The following ASPM variants were observed in gnomAD, a reference collection of about 807,000 sequenced individuals.
ASPM encodes the protein assembly factor for spindle microtubules.
In ASPM, 256 loss-of-function variants were observed where a neutral mutation model predicts 366.4. That is an observed-to-expected ratio of 0.70 (90% CI 0.63 to 0.77). ASPM has a LOEUF of 0.77. Among genes scored for constraint, ASPM ranks in the 30% least tolerant of loss-of-function variants. The probability of loss-of-function intolerance (pLI) is 0.00; values close to 1 mark genes in which losing one functional copy is unlikely to be tolerated. For synonymous variants in ASPM, 1,414 were observed against 1,342.9 expected, an observed-to-expected ratio of 1.05 and a Z score of -1.16; for missense variants, 4,146 against 4,090.4, an observed-to-expected ratio of 1.01 and a Z score of -0.37.
intron 17 of ASPM, among the ~76,000 whole-genome samples, chr1:197,113,280 CA>C (rs1657641308): frequency 6.6e-6 from 1 of 152,082 alleles, no homozygotes; most frequent in African/African-American, 2.4e-5. Context: ...ACCTGGGTGA[CA>C]GGATCATTTG....
intron 18 of ASPM, among the ~76,000 whole-genome samples, chr1:197,097,547 G>C (rs1194935032): frequency 1.3e-5 from 2 of 151,726 alleles, no homozygotes; most frequent in Non-Finnish European, 2.9e-5. Context: ...AAATTCAGTT[G>C]ATAATGCAAT....
At position 197,091,819 on chromosome 1, in the gene ASPM, T is replaced by A; in HGVS notation, c.9444+88A>T. On this transcript the variant is annotated intron_variant, in intron 22 of 27. Transcript: ENST00000367409. ...GGCTAAATGTTGTACGACCTTAGCA[T>A]AAAGCATTTGGAAATTGTTTATTAC... The A allele has an allele frequency of 5.1e-6, 7 of 1,385,904 alleles. No homozygotes were observed. In the South Asian group the frequency reaches 8.4e-5, roughly 17 times the overall value. The allele number at this position is 1,385,904 out of a possible 1,614,324, so 85.9% of individuals were successfully genotyped here.
chr1:197,125,668 A>G (rs2125105865), intron 10 of ASPM, among the ~76,000 whole-genome samples: 1 of 152,164 alleles, frequency 6.6e-6, no homozygotes, highest in East Asian at 1.9e-4. Flanking sequence ...GCCTATGGTC[A>G]TAGAGCTGGT....
rs1429110638 is a variant in ASPM at position 197,139,784 on chromosome 1, A to C, written c.2009T>G (p.Ile670Arg). ...ATACTTGCCTGTTTTTAATGGTTTT[A>C]TGAAGGTCAAACTGGACTGTGCCAC... ...IAVAQSSLTFIKPLKTDIPRH... is the reference protein window; with the variant it reads ...IAVAQSSLTFRKPLKTDIPRH... Residue 670 changes from isoleucine to arginine, a missense_variant, in exon 4 of 28, where the codon ATA (isoleucine) becomes AGA (arginine). By Grantham distance (97) the Ile-to-Arg change is moderately conservative. Around this residue, in one of 3 missense-constraint regions of ASPM, gnomAD observed 3,624 missense variants for 3,591.7 expected, o/e 1.01. Transcript: ENST00000367409. 1.2e-6 allele frequency: 2 copies of C among 1,607,410 alleles called. No individual in the cohort carries two copies. The highest frequency in any genetic ancestry group is 4.5e-5 in the East Asian group (2 of 44,810).
rs1367154758 is a variant in ASPM at position 197,084,345 on chromosome 1, A to T, written c.10413T>A (p.Asp3471Glu). 1 of 1,611,732 alleles carries T rather than the reference A, an allele frequency of 6.2e-7. No individual in the cohort carries two copies. The highest frequency in any genetic ancestry group is 8.5e-7 in the Non-Finnish European group (1 of 1,178,378). Residue 3471 changes from aspartate (D) to glutamate (E), a missense_variant, in exon 28 of 28, where the codon GAT becomes GAA. Asp to Glu is a conservative substitution (Grantham distance 45). Transcript: ENST00000367409. ...NPLQAIQMVM[D>E]TLGIPY ...TTTACTAATAAGGAATGCCAAGCGT[A>T]TCCATCACCATTTGAATAGCTTGCA...
At chr1:197,111,967 C>T (rs763203738) in intron 17 of ASPM, among the ~76,000 whole-genome samples, 2 of 152,000 alleles carry the variant, frequency 1.3e-5, no homozygotes, top group Non-Finnish European at 2.9e-5. Flanking sequence ...TTCTCAAAGG[C>T]CTAAAAGCAG....
rs770648445 is a variant in ASPM, at chr1:197,122,537, T to C, written c.3449A>G (p.His1150Arg). The change falls in exon 14 of 28, where the codon CAT becomes CGT. Residue 1150 changes from histidine (H) to arginine (R), a missense_variant. Physicochemically the swap from His to Arg is conservative, Grantham distance 29. Transcript: ENST00000367409. ...AAATGGCACATAGCAAGGATGGTAA[T>C]GGTGGATCAGGTAACATAACACACG... ...DGRVLCYLIH[H>R]YHPCYVPFDA... 4 of 1,613,180 alleles carry C rather than the reference T, an allele frequency of 2.5e-6. No homozygotes were observed. In the East Asian group the frequency reaches 6.7e-5, roughly 27 times the overall value.
intron 16 of ASPM, among the ~76,000 whole-genome samples, chr1:197,120,439 A>C (rs1164711969): frequency 1.3e-5 from 2 of 152,186 alleles, no homozygotes; most frequent in African/African-American, 2.4e-5. Context: ...CTGAGGCACA[A>C]GAATGGCTTG....
chr1:197,133,952 T>C (rs1045240910), intron 5 of ASPM, among the ~76,000 whole-genome samples: 2 of 152,216 alleles, frequency 1.3e-5, no homozygotes, highest in Non-Finnish European at 2.9e-5. Flanking sequence ...TTTTGAAATG[T>C]AATTTAATCT....
At position 197,084,188 on chromosome 1, in the gene ASPM, G is replaced by A. The variant is rs1656507837; in HGVS notation, c.*136C>T. Reference sequence around the variant, plus strand: ...ACTATAAATGATAAAAATGAAGAATGTAATGAACAGTTTATGTTTTTTTAA... The same window carrying A: ...ACTATAAATGATAAAAATGAAGAATATAATGAACAGTTTATGTTTTTTTAA... On this transcript the variant is annotated 3_prime_UTR_variant, in exon 28 of 28. Coordinates refer to ENST00000367409, the MANE Select transcript of ASPM (RefSeq NM_018136.5). 6.1e-6 allele frequency: 4 copies of A among 656,822 alleles called. No homozygotes were observed. Among genetic ancestry groups the A allele is most frequent in the Non-Finnish European group, 1.1e-5 (4 of 372,426 alleles). 40.7% of individuals were successfully genotyped at this position (656,822 alleles called of 1,614,324 possible).
At chr1:197,145,252 A>T (rs1323780423) in intron 1 of ASPM, among the ~76,000 whole-genome samples, 1 of 152,218 alleles carries the variant, frequency 6.6e-6, no homozygotes, top group Non-Finnish European at 1.5e-5. Flanking sequence ...CAGCAGTCAA[A>T]ATAAAAACAT....
At chr1:197,099,670 AC>A (rs1329142014) in intron 18 of ASPM, among the ~76,000 whole-genome samples, 2 of 151,684 alleles carry the variant, frequency 1.3e-5, no homozygotes, top group Non-Finnish European at 2.9e-5. Context: ...TATAACACCC[AC>A]TACAGCATTT....
intron 17 of ASPM, among the ~76,000 whole-genome samples, chr1:197,107,058 G>C (rs1657435505): frequency 6.6e-6 from 1 of 152,020 alleles, no homozygotes; most frequent in Non-Finnish European, 1.5e-5. Flanking sequence ...CAGTAGAGCA[G>C]TGTAACTCAA....
At chr1:197,105,335 T>C (rs1412474567) in intron 17 of ASPM, 150 bp from the exon 18 acceptor site, 1 of 716,724 alleles carries the variant, frequency 1.4e-6, no homozygotes, top group Non-Finnish European at 2.3e-6. Flanking sequence ...TTGTCTCTTT[T>C]GTTTTTAGTT....
At chr1:197,105,940 T>A (rs1422072152) in intron 17 of ASPM, among the ~76,000 whole-genome samples, 1 of 152,040 alleles carries the variant, frequency 6.6e-6, no homozygotes, top group Non-Finnish European at 1.5e-5. Context: ...AGTCAAGTTC[T>A]AGATGTTTTA....
In ASPM at chr1:197,105,138, T is replaced by C. The variant is rs1464448855; in HGVS notation, c.4113A>G (p.Lys1371=). ...TAGATTGCAGGATGATTGAATAATA[T>C]TTCAATTTCAGAAATCTTTGTCTAG... The part of the protein sequence containing the change: ...YSTRQRFLKL[K]YYSIILQSRI... Residue 1371 remains lysine, a synonymous_variant, in exon 18 of 28, where the codon AAA becomes AAG. Transcript: ENST00000367409. The C allele has an allele frequency of 3.1e-6, 5 of 1,608,972 alleles. No homozygotes were observed. Among genetic ancestry groups the C allele is most frequent in the Non-Finnish European group, 4.3e-6 (5 of 1,176,266 alleles).
chr1:197,141,421 C>T (rs1257330793), intron 3 of ASPM, among the ~76,000 whole-genome samples: 1 of 152,114 alleles, frequency 6.6e-6, no homozygotes, highest in Non-Finnish European at 1.5e-5. Context: ...TTTGCTTACC[C>T]TTGTTTTAAA....
rs1419296743 is a variant in ASPM, at chr1:197,104,944, T to G, written c.4307A>C (p.Gln1436Pro). 2 of 1,612,282 alleles carry G rather than the reference T, an allele frequency of 1.2e-6. No individual in the cohort carries two copies. The highest frequency in any genetic ancestry group is 2.2e-5 in the South Asian group (2 of 90,938). The change falls in exon 18 of 28, where the codon CAA becomes CCA. Residue 1436 changes from glutamine (Q) to proline (P), a missense_variant. Coordinates refer to ENST00000367409, the MANE Select transcript of ASPM (RefSeq NM_018136.5). ...IIQSMFRKWKQRKMQSQVKAT... is the reference protein window; with the variant it reads ...IIQSMFRKWKPRKMQSQVKAT... ...TTTTACTTGTGATTGCATTTTACGT[T>G]GCTTCCATTTTCTGAACATAGATTG...
rs1176687924 is a variant in ASPM, at chr1:197,124,531, A to AT, written c.3169-201_3169-200insA. Among the ~76,000 whole-genome samples, 12 of 152,104 alleles carry AT rather than the reference A, an allele frequency of 7.9e-5. No individual in the cohort carries two copies. The East Asian group carries it at 2.1e-3, about 27-fold the overall frequency. On this transcript the variant is annotated intron_variant, in intron 12 of 27. Coordinates refer to ENST00000367409, the MANE Select transcript of ASPM (RefSeq NM_018136.5). ...GTCGCTTTTTTTTTCCCCAAAGGCA[A>AT]ACACCATCTACACTGAAGTGATAAA...
Sources: gnomAD v4.1 joint callset for allele counts (sites outside exome capture counted in the v4.1 genomes callset) on GRCh38, gnomAD v4.1.1 for gene constraint, gnomAD v4.1.1 regional missense constraint, MANE v1.5 for transcripts, NCBI Gene and HGNC (gene_info 2026-07-23, HGNC 2026-07-21) for gene names.